Variants in GALNT9 observed in about 807,000 individuals in gnomAD.
GALNT9 encodes GalNAc transferase 9.
A neutral mutation model predicts 63.1 loss-of-function variants in GALNT9; 47 were observed. That is an observed-to-expected ratio of 0.75 (90% CI 0.59 to 0.95). GALNT9 has a LOEUF of 0.95. GALNT9 is among the 40% of genes least tolerant of loss of function. The pLI, the probability that GALNT9 is intolerant of heterozygous loss-of-function variation, is 0.00. For missense variants in GALNT9, 829 were observed against 874.8 expected (o/e 0.95, Z 0.66); for synonymous variants, 396 against 365.7 (o/e 1.08, Z -0.94).
intron 5 of GALNT9, among the ~76,000 whole-genome samples, chr12:132,250,282 G>A (rs1174042550): frequency 1.3e-5 from 2 of 152,236 alleles, no homozygotes; most frequent in Non-Finnish European, 2.9e-5. Flanking sequence ...GCAGGGGCTG[G>A]GGCGGGGGGA....
chr12:132,204,169 CCCA>C (rs34976316), intron 6 of GALNT9, among the ~76,000 whole-genome samples: 106,320 of 151,648 alleles, frequency 0.7, 37,719 homozygotes, highest in Non-Finnish European at 0.76. Flanking sequence ...AACCAGCCTC[CCCA>C]GCTAATAAAA....
Position 132,286,486 on chromosome 12 carries a change from C to T in GALNT9, c.239-56G>A. 3 of 1,487,978 alleles carry T rather than the reference C, an allele frequency of 2.0e-6. No individual in the cohort carries two copies. Among genetic ancestry groups the T allele is most frequent in the African/African-American group, 1.4e-5 (1 of 70,830 alleles). 92.2% of individuals were successfully genotyped at this position (1,487,978 alleles called of 1,614,324 possible). On this transcript the variant is annotated intron_variant, in intron 1 of 10. Transcript: ENST00000328957. The surrounding 1 kb of genome is among the most constrained non-coding windows in gnomAD (Gnocchi z 7.4). ...AGGCCCAGGACACGCTGCGTCTGCA[C>T]CCAGGAGACGCCCCTCCCGCCCCTC...
rs539001607 is a variant in GALNT9, at chr12:132,260,686, T to C, written c.761+262A>G. On this transcript the variant is annotated intron_variant, in intron 4 of 10. Coordinates refer to ENST00000328957, the MANE Select transcript of GALNT9 (RefSeq NM_001122636.2). ...AAGCCTCATACACATGCCTGGGAGCTTCTAAGCGCCATGTCCTTGGGTGCG... is the reference window on the plus strand; with the variant it reads ...AAGCCTCATACACATGCCTGGGAGCCTCTAAGCGCCATGTCCTTGGGTGCG... Among the ~76,000 whole-genome samples the C allele has an allele frequency of 3.3e-5, 5 of 152,330 alleles. No homozygotes were observed. The East Asian group carries it at 9.7e-4, about 29-fold the overall frequency.
At chr12:132,227,811 G>A (rs1877753334) in intron 6 of GALNT9, among the ~76,000 whole-genome samples, 2 of 152,056 alleles carry the variant, frequency 1.3e-5, no homozygotes, top group African/African-American at 4.8e-5. Flanking sequence ...GGGTCCAAAG[G>A]CAACGTGGAG....
intron 6 of GALNT9, among the ~76,000 whole-genome samples, chr12:132,213,533 A>T (rs34030700): frequency 0.51 from 76,959 of 151,116 alleles, 19,929 homozygotes; most frequent in East Asian, 0.71. Context: ...ACGCACTCCC[A>T]CCCACATACA....
At chr12:132,293,163 T>TG (rs1191133902) in intron 1 of GALNT9, among the ~76,000 whole-genome samples, 7 of 151,214 alleles carry the variant, frequency 4.6e-5, no homozygotes, top group African/African-American at 1.7e-4. Context: ...GGGGACTGAG[T>TG]GGGGGGGCTC....
intron 4 of GALNT9, among the ~76,000 whole-genome samples, chr12:132,260,030 C>T (rs1325815944): frequency 1.4e-5 from 1 of 73,452 alleles, no homozygotes; most frequent in African/African-American, 2.9e-5. Flanking sequence ...GGGCGCGGGG[C>T]CTGCCTGGGT....
chr12:132,256,476 G>A (rs139505403), intron 5 of GALNT9, among the ~76,000 whole-genome samples: 25 of 150,698 alleles, frequency 1.7e-4, no homozygotes, highest in African/African-American at 3.4e-4. Context: ...CGCTGTGAAC[G>A]TTTGTGTGGA....
intron 7 of GALNT9, 147 bp from the exon 8 acceptor site, chr12:132,201,408 T>C (rs59310537): frequency 4.8e-5 from 29 of 602,262 alleles, no homozygotes; most frequent in Admixed American, 8.7e-5. Context: ...CCCCATCCAG[T>C]TGGGACCCCC....
In GALNT9 at chr12:132,257,767, T is replaced by C. The variant is rs782731975; in HGVS notation, c.881A>G (p.Tyr294Cys). 3 of 1,550,482 alleles carry C rather than the reference T, an allele frequency of 1.9e-6. No homozygotes were observed. Among genetic ancestry groups the C allele is most frequent in the Non-Finnish European group, 2.6e-6 (3 of 1,146,834 alleles). ...VQQYANAAHG[Y>C]NWGLWCMYII... is the part of the protein sequence containing the mutation. ...GTACATGCACCAGAGGCCCCAGTTGTAGCCATGGGCGGCGTTCGCATACTG... is the reference window on the plus strand; with the variant it reads ...GTACATGCACCAGAGGCCCCAGTTGCAGCCATGGGCGGCGTTCGCATACTG... Residue 294 changes from tyrosine to cysteine, a missense_variant, in exon 5 of 11, where the codon TAC (tyrosine) becomes TGC (cysteine). Physicochemically the swap from Tyr to Cys is radical, Grantham distance 194 (BLOSUM62 -2). Transcript: ENST00000328957.
chr12:132,270,135 G>A (rs1255648553), intron 2 of GALNT9, among the ~76,000 whole-genome samples: 2 of 152,250 alleles, frequency 1.3e-5, no homozygotes, highest in African/African-American at 2.4e-5. Context: ...AGGATATAGT[G>A]CTGAACAGAC....
At chr12:132,197,394 C>G (rs1565978891) in intron 10 of GALNT9, 141 bp from the exon 11 acceptor site, 2 of 1,263,920 alleles carry the variant, frequency 1.6e-6, no homozygotes, top group Non-Finnish European at 1.1e-6. Context: ...ATCACAGCAG[C>G]ACCCAGGGGG....
rs1405685686 is a variant in GALNT9, at chr12:132,265,659, C to T, written c.420-3034G>A. ...CGGATGCTTACAAGTTCCTGATGCC[C>T]GGTACAGGCCCGGGAAAGACAATGA... is the stretch of plus-strand genomic sequence containing the variant. On this transcript the variant is annotated intron_variant, in intron 2 of 10. Transcript: ENST00000328957. This position sits in a 1 kb window ranked among gnomAD's most constrained non-coding sequence, Gnocchi z 5.3. Among the ~76,000 whole-genome samples the T allele has an allele frequency of 6.6e-6, 1 of 152,076 alleles. No homozygotes were observed. The highest frequency in any genetic ancestry group is 6.6e-5 in the Admixed American group (1 of 15,264).
chr12:132,285,239 A>C (rs1306252962), intron 2 of GALNT9, among the ~76,000 whole-genome samples: 1 of 152,212 alleles, frequency 6.6e-6, no homozygotes, highest in Non-Finnish European at 1.5e-5. Flanking sequence ...ACGCGGCCCC[A>C]CTGGGCAGCC....
intron 6 of GALNT9, among the ~76,000 whole-genome samples, chr12:132,213,702 C>G (rs958420326): frequency 6.6e-6 from 1 of 152,238 alleles, no homozygotes; most frequent in African/African-American, 2.4e-5. Context: ...GGTCAGCCCT[C>G]ATGTCCGAGG....
intron 2 of GALNT9, among the ~76,000 whole-genome samples, chr12:132,285,511 G>A (rs1555242065): frequency 6.6e-6 from 1 of 152,260 alleles, no homozygotes; most frequent in Non-Finnish European, 1.5e-5. Flanking sequence ...GCAAAGCCGT[G>A]GCGGCCAGGG....
In GALNT9 at chr12:132,299,838, C is replaced by G. The variant is rs1409786712; in HGVS notation, c.239-13408G>C. Among the ~76,000 whole-genome samples, 2 of 141,542 alleles carry G rather than the reference C, an allele frequency of 1.4e-5. 1 individual carries two copies. Among genetic ancestry groups the G allele is most frequent in the East Asian group, 4.6e-4 (2 of 4,336 alleles). 92.9% of individuals were successfully genotyped at this position (141,542 alleles called of 152,430 possible). On this transcript the variant is annotated intron_variant, in intron 1 of 10. Coordinates refer to ENST00000328957, the MANE Select transcript of GALNT9 (RefSeq NM_001122636.2). ...CCACTCCCACCACACCTAACCCACC[C>G]CTGAGATGACCAACCCACTCCTGAG...
chr12:132,271,261 G>A (rs1196808204), intron 2 of GALNT9, among the ~76,000 whole-genome samples: 2 of 151,636 alleles, frequency 1.3e-5, no homozygotes, highest in East Asian at 2.0e-4. Flanking sequence ...CCAGTCACCC[G>A]TCACTGCCAG....
chr12:132,299,140 C>T (rs1881192712), intron 1 of GALNT9, among the ~76,000 whole-genome samples: 1 of 99,624 alleles, frequency 1.0e-5, no homozygotes, highest in African/African-American at 4.5e-5. Context: ...ACTCCCACCA[C>T]ACCTAACCCA....
Sources: gnomAD v4.1 joint callset for allele counts (sites outside exome capture counted in the v4.1 genomes callset) on GRCh38, gnomAD v4.1.1 for gene constraint, Gnocchi (gnomAD v3.1) non-coding constraint, MANE v1.5 for transcripts, NCBI Gene and HGNC (gene_info 2026-07-23, HGNC 2026-07-21) for gene names.